Variants in KYNU observed in about 807,000 individuals in gnomAD.
The protein encoded by KYNU is kynureninase.
KYNU carries 54 observed loss-of-function variants against 59.2 expected under a neutral mutation model. The ratio of observed to expected loss-of-function variants is 0.91; its 90% CI spans 0.73 to 1.14. The LOEUF (loss-of-function observed/expected upper bound fraction) is 1.14. Among genes scored for constraint, KYNU ranks in the 50% most tolerant of loss-of-function variants. The pLI is 0.00. For synonymous variants in KYNU, 177 were observed against 192.0 expected (o/e 0.92, Z 0.65); for missense variants, 567 against 554.4 (o/e 1.02, Z -0.23).
At chr2:142,975,451 C>G (rs1684856628) in intron 8 of KYNU, among the ~76,000 whole-genome samples, 1 of 152,186 alleles carries the variant, frequency 6.6e-6, no homozygotes, top group African/African-American at 2.4e-5. Flanking sequence ...CTCCTAGGTG[C>G]CAAGAGGGCA....
At chr2:143,026,667 A>T (rs962621306) in intron 10 of KYNU, among the ~76,000 whole-genome samples, 1 of 152,238 alleles carries the variant, frequency 6.6e-6, no homozygotes, top group Non-Finnish European at 1.5e-5. Context: ...GCCCCACAGC[A>T]GACTCCAACC....
intron 7 of KYNU, among the ~76,000 whole-genome samples, chr2:142,959,232 T>C (rs547503033): frequency 2.0e-5 from 3 of 152,154 alleles, no homozygotes; most frequent in Admixed American, 2.0e-4. Context: ...TTAATGAGCT[T>C]CCCCCAAATA....
chr2:142,985,821 A>G, intron 9 of KYNU, 127 bp from the exon 10 acceptor site: 1 of 654,596 alleles, frequency 1.5e-6, no homozygotes, highest in Non-Finnish European at 2.7e-6. Context: ...TCATAAATAC[A>G]CAAATAATCA....
intron 10 of KYNU, among the ~76,000 whole-genome samples, chr2:142,997,876 A>G (rs1166816634): frequency 6.6e-6 from 1 of 152,152 alleles, no homozygotes; most frequent in East Asian, 1.9e-4. Flanking sequence ...GAGTTTGGAT[A>G]TTTCATTTCA....
intron 1 of KYNU, among the ~76,000 whole-genome samples, chr2:142,881,130 A>G (rs1362469671): frequency 6.6e-6 from 1 of 152,228 alleles, no homozygotes; most frequent in Non-Finnish European, 1.5e-5. Flanking sequence ...GGGGAGCAAA[A>G]CATTTTAGGC....
chr2:142,918,866 TC>T, intron 3 of KYNU, 137 bp downstream of exon 3: 1 of 955,086 alleles, frequency 1.0e-6, no homozygotes, highest in Non-Finnish European at 1.6e-6. Context: ...GAGGATTAGT[TC>T]CAGGGCCTCC....
At chr2:142,986,728 A>C (rs1002330594) in intron 10 of KYNU, among the ~76,000 whole-genome samples, 8 of 151,518 alleles carry the variant, frequency 5.3e-5, no homozygotes, top group African/African-American at 1.9e-4. Context: ...AAAAAAAAAA[A>C]CCCTTTTCAT....
At chr2:143,017,434 C>CTTTTTTTTTTTTTTTTTTTTT (rs1184177776) in intron 10 of KYNU, among the ~76,000 whole-genome samples, 1 of 68,448 alleles carries the variant, frequency 1.5e-5, no homozygotes, top group Non-Finnish European at 2.6e-5. Context: ...TCTCTTTTTT[C>CTTTTTTTTTTTTTTTTTTTTT]TTTTTTTTTT....
At chr2:142,931,919 TTGTG>T (rs781648787) in intron 4 of KYNU, among the ~76,000 whole-genome samples, 28 of 152,268 alleles carry the variant, frequency 1.8e-4, no homozygotes, top group Non-Finnish European at 3.7e-4. Flanking sequence ...TGATGAGAGT[TTGTG>T]TGACGACATT....
chr2:142,985,056 T>G, intron 8 of KYNU, 28 bp from the exon 9 acceptor site: 2 of 1,283,806 alleles, frequency 1.6e-6, no homozygotes, highest in East Asian at 2.3e-5. Flanking sequence ...GAAGCAAACT[T>G]AAAGCTTATT....
At chr2:142,925,643 G>A (rs1179772042) in intron 3 of KYNU, among the ~76,000 whole-genome samples, 2 of 152,142 alleles carry the variant, frequency 1.3e-5, no homozygotes, top group Admixed American at 1.3e-4. Context: ...TACTGACCTG[G>A]AGCTGGCTTA....
At chr2:143,035,379 C>T (rs960907768) in intron 12 of KYNU, among the ~76,000 whole-genome samples, 3 of 152,226 alleles carry the variant, frequency 2.0e-5, no homozygotes, top group Non-Finnish European at 4.4e-5. Context: ...CCAAAATTAT[C>T]TTTAGTTAAT....
chr2:142,936,530 G>A (rs1430963232), intron 4 of KYNU, among the ~76,000 whole-genome samples: 1 of 152,194 alleles, frequency 6.6e-6, no homozygotes, highest in African/African-American at 2.4e-5. Context: ...GCTGGAGGGA[G>A]ACGATAAAAG....
rs1347452974 is a variant in KYNU, at chr2:143,052,084, C to CT, written c.*9914dup. 1 of 152,232 alleles carries CT rather than the reference C, an allele frequency of 6.6e-6. No homozygotes were observed. Among genetic ancestry groups the CT allele is most frequent in the East Asian group, 1.9e-4 (1 of 5,200 alleles). The allele number at this position is 152,232 out of a possible 1,614,324, so 9.4% of individuals were successfully genotyped here. ...CTTGGGAACTGGAGCAAAGGTGACT[C>CT]TTGTTATGTTTTAGACATAAAGCAA... On this transcript the variant is annotated 3_prime_UTR_variant, in exon 14 of 14. Coordinates refer to ENST00000264170, the MANE Select transcript of KYNU (RefSeq NM_003937.3).
At chr2:142,883,326 C>T (rs1043929568) in intron 1 of KYNU, among the ~76,000 whole-genome samples, 32 of 150,576 alleles carry the variant, frequency 2.1e-4, no homozygotes, top group Non-Finnish European at 4.6e-4. Flanking sequence ...TCCCGAGTAG[C>T]TGGGACTACA....
chr2:142,988,803 A>G (rs781190266), intron 10 of KYNU: 4 of 1,399,974 alleles, frequency 2.9e-6, no homozygotes, highest in East Asian at 2.3e-5. Context: ...TTGGCTCTCT[A>G]TTCTGTACCA....
At chr2:142,905,054 A>T (rs773892651) in intron 2 of KYNU, among the ~76,000 whole-genome samples, 25 of 152,296 alleles carry the variant, frequency 1.6e-4, no homozygotes, top group Non-Finnish European at 3.1e-4. Flanking sequence ...AATTCGTTTC[A>T]GAGAGGGTGA....
rs879712014 is a variant in KYNU, at chr2:143,011,516, G to C, written c.903-18111G>C. ...GGAAGTCAGTGTGGCGATTCCTCAG[G>C]GATCTAGAACTAGAAATACCATTTG... On this transcript the variant is annotated intron_variant, in intron 10 of 13. Coordinates refer to ENST00000264170, the MANE Select transcript of KYNU (RefSeq NM_003937.3). 4.5e-3 allele frequency among the ~76,000 whole-genome samples: 513 copies of C among 114,368 alleles called. 6 individuals carry two copies. The highest frequency in any genetic ancestry group is 6.5e-3 in the Non-Finnish European group (376 of 57,932). 75.0% of individuals were successfully genotyped at this position (114,368 alleles called of 152,430 possible).
chr2:142,942,340 AT>A (rs1683632651), intron 4 of KYNU, among the ~76,000 whole-genome samples: 1 of 152,194 alleles, frequency 6.6e-6, no homozygotes, highest in African/African-American at 2.4e-5. Flanking sequence ...TAACAAAAAT[AT>A]TTAATAAATT....
Sources: gnomAD v4.1 joint callset for allele counts (sites outside exome capture counted in the v4.1 genomes callset) on GRCh38, gnomAD v4.1.1 for gene constraint, MANE v1.5 for transcripts, NCBI Gene and HGNC (gene_info 2026-07-23, HGNC 2026-07-21) for gene names.